GPC5: variants seen among roughly 807,000 people sequenced by gnomAD.
GPC5 encodes the protein glypican-5.
In GPC5, 47 loss-of-function variants were observed where a neutral mutation model predicts 53.9. The ratio of observed to expected loss-of-function variants is 0.87; its 90% CI spans 0.69 to 1.11. GPC5 has a LOEUF of 1.11. Among genes scored for constraint, GPC5 ranks in the 50% most tolerant of loss-of-function variants. The pLI, the probability that GPC5 is intolerant of heterozygous loss-of-function variation, is 0.00. For missense variants in GPC5, 748 were observed against 713.1 expected, an observed-to-expected ratio of 1.05 and a Z score of -0.56; for synonymous variants, 286 against 263.3, an observed-to-expected ratio of 1.09 and a Z score of -0.84.
chr13:91,599,503 T>TA (rs1566541447), intron 2 of GPC5, among the ~76,000 whole-genome samples: 1 of 152,124 alleles, frequency 6.6e-6, no homozygotes, highest in Non-Finnish European at 1.5e-5. Context: ...TTCATTCACA[T>TA]AAGAGTCCAG....
At chr13:91,945,055 A>G (rs1031929481) in intron 6 of GPC5, among the ~76,000 whole-genome samples, 1 of 152,220 alleles carries the variant, frequency 6.6e-6, no homozygotes, top group African/African-American at 2.4e-5. Flanking sequence ...CATTCTAAAA[A>G]CATATATAAG....
At chr13:91,929,077 C>T (rs1176031256) in intron 6 of GPC5, among the ~76,000 whole-genome samples, 2 of 152,098 alleles carry the variant, frequency 1.3e-5, no homozygotes, top group Admixed American at 6.6e-5. Flanking sequence ...CAATACTCCA[C>T]AATCACCTTG....
At chr13:92,073,181 C>A (rs1594753050) in intron 6 of GPC5, among the ~76,000 whole-genome samples, 1 of 151,994 alleles carries the variant, frequency 6.6e-6, no homozygotes, top group Non-Finnish European at 1.5e-5. Context: ...GTGTTAAATT[C>A]TTTTCATAAG....
intron 5 of GPC5, among the ~76,000 whole-genome samples, chr13:91,887,018 A>T (rs1018896898): frequency 1.3e-5 from 2 of 152,160 alleles, no homozygotes; most frequent in Admixed American, 1.3e-4. Context: ...GACAGAGCCC[A>T]CATTTCCCTT....
chr13:92,865,889 C>T (rs1001557716), intron 7 of GPC5, among the ~76,000 whole-genome samples: 3 of 151,944 alleles, frequency 2.0e-5, no homozygotes, highest in Admixed American at 6.6e-5. Context: ...AATTATATCC[C>T]CTCAACTGGT....
chr13:92,278,889 G>T (rs1273464593), intron 7 of GPC5, among the ~76,000 whole-genome samples: 2 of 152,010 alleles, frequency 1.3e-5, no homozygotes, highest in African/African-American at 4.8e-5. Context: ...TGGTCTATAT[G>T]TCTATCCTTC....
chr13:92,346,532 C>G (rs2043414020), intron 7 of GPC5, among the ~76,000 whole-genome samples: 1 of 152,138 alleles, frequency 6.6e-6, no homozygotes, highest in African/African-American at 2.4e-5. Flanking sequence ...TTTCCAGAGT[C>G]ACTGGCTAGT....
chr13:92,107,868 A>G (rs2041522191), intron 6 of GPC5, among the ~76,000 whole-genome samples: 1 of 152,200 alleles, frequency 6.6e-6, no homozygotes, highest in Non-Finnish European at 1.5e-5. Context: ...AAAACCCAGT[A>G]TCACCAGAGA....
chr13:92,430,889 A>G (rs950890753), intron 7 of GPC5, among the ~76,000 whole-genome samples: 2 of 152,234 alleles, frequency 1.3e-5, no homozygotes, highest in African/African-American at 4.8e-5. Context: ...TTGTTTTTTC[A>G]ATGATATAAA....
intron 7 of GPC5, among the ~76,000 whole-genome samples, chr13:92,282,215 T>C (rs376100901): frequency 4.7e-4 from 71 of 152,126 alleles, no homozygotes; most frequent in African/African-American, 1.6e-3. Context: ...TAAAAAGAAA[T>C]GAACAAAGCC....
chr13:91,594,783 A>G (rs2032928976), intron 2 of GPC5, among the ~76,000 whole-genome samples: 1 of 151,924 alleles, frequency 6.6e-6, no homozygotes, highest in Non-Finnish European at 1.5e-5. Context: ...AGCTTGAGCA[A>G]TCCTCTCACC....
At chr13:91,847,234 A>G (rs1260336686) in intron 5 of GPC5, among the ~76,000 whole-genome samples, 1 of 151,672 alleles carries the variant, frequency 6.6e-6, no homozygotes, top group Non-Finnish European at 1.5e-5. Context: ...AAAAAAAAAA[A>G]AAAAGAAATG....
At chr13:92,657,544 T>C (rs1296006611) in intron 7 of GPC5, among the ~76,000 whole-genome samples, 11 of 150,838 alleles carry the variant, frequency 7.3e-5, no homozygotes. Context: ...GGAAGAGTGT[T>C]AGTCAGAACT....
intron 6 of GPC5, among the ~76,000 whole-genome samples, chr13:92,141,821 CAGT>C (rs2138979544): frequency 6.6e-6 from 1 of 152,154 alleles, no homozygotes; most frequent in Admixed American, 6.5e-5. Context: ...TGAGAGAACT[CAGT>C]TGTAGGAATG....
At chr13:91,851,671 C>T (rs1594617295) in intron 5 of GPC5, among the ~76,000 whole-genome samples, 1 of 117,554 alleles carries the variant, frequency 8.5e-6, no homozygotes, top group Non-Finnish European at 1.7e-5. Context: ...CCACAACAGT[C>T]CCCAGAGTGT....
intron 3 of GPC5, among the ~76,000 whole-genome samples, chr13:91,712,045 A>T (rs1594464538): frequency 6.6e-6 from 1 of 152,232 alleles, no homozygotes; most frequent in Admixed American, 6.5e-5. Flanking sequence ...GATTTTTTGC[A>T]GGTGCAGCAA....
chr13:92,835,388 ACAAG>A, intron 7 of GPC5, among the ~76,000 whole-genome samples: 2 of 152,086 alleles, frequency 1.3e-5, no homozygotes, highest in Middle Eastern at 3.4e-3. Context: ...ATAATAATAC[ACAAG>A]CATCAACAGA....
At chr13:92,559,850 C>T (rs1882637975) in intron 7 of GPC5, among the ~76,000 whole-genome samples, 1 of 151,242 alleles carries the variant, frequency 6.6e-6, no homozygotes, top group South Asian at 2.1e-4. Flanking sequence ...GTTTCTGGAG[C>T]CTCTCCACCG....
intron 1 of GPC5, among the ~76,000 whole-genome samples, chr13:91,434,653 T>A (rs1879768617): frequency 6.6e-6 from 1 of 152,206 alleles, no homozygotes; most frequent in Non-Finnish European, 1.5e-5. Flanking sequence ...CCAGCTTTTT[T>A]CTTTTGGCGA....
Sources: gnomAD v4.1 joint callset for allele counts (sites outside exome capture counted in the v4.1 genomes callset) on GRCh38, gnomAD v4.1.1 for gene constraint, MANE v1.5 for transcripts, NCBI Gene and HGNC (gene_info 2026-07-23, HGNC 2026-07-21) for gene names.